Variants in CIT observed in about 807,000 individuals in gnomAD.
CIT encodes citron rho-interacting serine/threonine kinase, also known as citron Rho-interacting kinase.
A neutral mutation model predicts 272.7 loss-of-function variants in CIT; 79 were observed. That is an observed-to-expected ratio of 0.29 (90% CI 0.24 to 0.35). CIT has a LOEUF of 0.35. Ranked by LOEUF, CIT falls within the 10% of genes least tolerant of loss-of-function variation. The pLI is 1.00. For missense variants in CIT, 1,909 were observed against 2,618.3 expected (o/e 0.73, Z 5.91); for synonymous variants, 948 against 995.6 (o/e 0.95, Z 0.90).
intron 28 of CIT, among the ~76,000 whole-genome samples, chr12:119,727,992 C>A (rs912483965): frequency 6.6e-6 from 1 of 151,886 alleles, no homozygotes; most frequent in Admixed American, 6.6e-5. Flanking sequence ...AACCTGGATG[C>A]ATATGACTAA....
chr12:119,703,229 T>C (rs1448472888), intron 41 of CIT, among the ~76,000 whole-genome samples: 1 of 152,168 alleles, frequency 6.6e-6, no homozygotes, highest in African/African-American at 2.4e-5. Flanking sequence ...TCAGTTGTCT[T>C]ACCTGAAAAT....
In CIT at chr12:119,687,593, T is replaced by C. The variant is rs1007791000; in HGVS notation, c.*639A>G. ...GAAAACAGTAAACATTTGGCTACGA[T>C]GTCACCCTGGGGAAAGCAGGGCCAT... On this transcript the variant is annotated 3_prime_UTR_variant, in exon 48 of 48. Transcript: ENST00000392521. 1 of 152,306 alleles carries C rather than the reference T, an allele frequency of 6.6e-6. No individual in the cohort carries two copies. The highest frequency in any genetic ancestry group is 1.5e-5 in the Non-Finnish European group (1 of 68,044). The allele number at this position is 152,306 out of a possible 1,614,324, so 9.4% of individuals were successfully genotyped here.
Position 119,857,862 on chromosome 12 carries a change from G to A in CIT, c.239-164C>T, listed in dbSNP as rs143098430. ...GAATAATTATAAAATCAGTACAAAA[G>A]TGTTTTTATATGTTAAGTTAAAATT... On this transcript the variant is annotated intron_variant, in intron 3 of 47. Transcript: ENST00000392521. Among the ~76,000 whole-genome samples the A allele has an allele frequency of 0.014, 2,195 of 152,138 alleles. 37 individuals carry two copies. The highest frequency in any genetic ancestry group is 0.022 in the Non-Finnish European group (1,508 of 68,012).
chr12:119,717,295 G>A (rs1011374615), intron 32 of CIT, among the ~76,000 whole-genome samples: 7 of 151,502 alleles, frequency 4.6e-5, no homozygotes, highest in South Asian at 2.1e-4. Flanking sequence ...CAGGTGATCC[G>A]CCCACCTCAG....
chr12:119,783,593 CCA>C (rs1258455191), intron 12 of CIT: 2 of 206,856 alleles, frequency 9.7e-6, no homozygotes, highest in Admixed American at 1.1e-4. Context: ...ACAACGCAGA[CCA>C]CAGAGGCTGG....
Position 119,712,012 on chromosome 12 carries a change from T to C in CIT, c.4854+166A>G, listed in dbSNP as rs542878152. Among the ~76,000 whole-genome samples, 2 of 152,200 alleles carry C rather than the reference T, an allele frequency of 1.3e-5. No individual in the cohort carries two copies. Among genetic ancestry groups the C allele is most frequent in the African/African-American group, 4.8e-5 (2 of 41,526 alleles). On this transcript the variant is annotated intron_variant, in intron 37 of 47. Transcript: ENST00000392521. This position sits in a 1 kb window ranked among gnomAD's most constrained non-coding sequence, Gnocchi z 5.2. ...CACAAGCTACCTTGGTGCTTGTGCC[T>C]TCATCACCACCAGACTCCTGGCCAT...
chr12:119,771,361 G>A (rs950036950), intron 17 of CIT, among the ~76,000 whole-genome samples: 14 of 152,134 alleles, frequency 9.2e-5, no homozygotes, highest in African/African-American at 3.4e-4. Flanking sequence ...TCTGGAGGGG[G>A]GTGGTATATG....
chr12:119,784,046 C>A lies in CIT; in HGVS notation c.1407G>T (p.Glu469Asp). ...TCCGATGTAACCGGGTCATTTCCTGCTCCATCTGAAATAAACACATCGACA... is the reference window on the plus strand; with the variant it reads ...TCCGATGTAACCGGGTCATTTCCTGATCCATCTGAAATAAACACATCGACA... ...QDSQDKCHKM[E>D]QEMTRLHRRV... is the part of the protein sequence containing the mutation. Residue 469 changes from glutamate (E) to aspartate (D), a missense_variant, in exon 12 of 48, where the codon GAG becomes GAT. Transcript: ENST00000392521. The surrounding 1 kb of genome is among the most constrained non-coding windows in gnomAD (Gnocchi z 4.7). 6.2e-7 allele frequency: 1 copy of A among 1,611,878 alleles called. No individual in the cohort carries two copies. Among genetic ancestry groups the A allele is most frequent in the South Asian group, 1.1e-5 (1 of 90,604 alleles).
chr12:119,838,029 G>A (rs558974380), intron 5 of CIT, among the ~76,000 whole-genome samples: 3 of 152,228 alleles, frequency 2.0e-5, no homozygotes, highest in East Asian at 1.9e-4. Flanking sequence ...AAAAATCCCC[G>A]ACTCCATAAA....
chr12:119,695,865 TA>T (rs1332667827), intron 46 of CIT, among the ~76,000 whole-genome samples: 1 of 152,232 alleles, frequency 6.6e-6, no homozygotes, highest in Non-Finnish European at 1.5e-5. Context: ...CTAGATTACT[TA>T]TAACACCTAA....
At chr12:119,746,882 T>A (rs954587058) in intron 23 of CIT, among the ~76,000 whole-genome samples, 1 of 152,256 alleles carries the variant, frequency 6.6e-6, no homozygotes, top group Non-Finnish European at 1.5e-5. Flanking sequence ...GTAAGTCATA[T>A]GCTTTATGTT....
chr12:119,863,201 C>CAAA (rs751421292), intron 3 of CIT, among the ~76,000 whole-genome samples: 953 of 40,278 alleles, frequency 0.024, 67 homozygotes, highest in African/African-American at 0.074. Flanking sequence ...GACTCTGTAT[C>CAAA]AAAAAAAAAA....
At chr12:119,721,080 C>T (rs980348180) in intron 29 of CIT, among the ~76,000 whole-genome samples, 16 of 152,196 alleles carry the variant, frequency 1.1e-4, no homozygotes, top group African/African-American at 3.6e-4. Context: ...CATTCTCCTT[C>T]CTCAGTCTCC....
chr12:119,761,072 A>G lies in CIT; in HGVS notation c.2305-17T>C, dbSNP rs368954419. 1.3e-6 allele frequency: 2 copies of G among 1,569,902 alleles called. No individual in the cohort carries two copies. Among genetic ancestry groups the G allele is most frequent in the African/African-American group, 2.7e-5 (2 of 74,044 alleles). ...GTCCAACACCTACAAAAACAAAAGC[A>G]GCAGCAAATGTTCTCAGGAGCCAAG... On this transcript the variant is annotated splice_polypyrimidine_tract_variant and intron_variant, in intron 19 of 47. Transcript: ENST00000392521.
intron 32 of CIT, among the ~76,000 whole-genome samples, chr12:119,717,559 T>C (rs1957573094): frequency 6.6e-6 from 1 of 151,380 alleles, no homozygotes; most frequent in East Asian, 2.0e-4. Flanking sequence ...TAGCTGGGAC[T>C]TCAGGAGAAT....
intron 5 of CIT, among the ~76,000 whole-genome samples, chr12:119,836,284 TAAAAA>T (rs201559880): frequency 1.2e-3 from 52 of 42,248 alleles, no homozygotes; most frequent in African/African-American, 5.0e-3. Context: ...AGACTCCATC[TAAAAA>T]AAAAAAAAAA....
intron 28 of CIT, among the ~76,000 whole-genome samples, chr12:119,726,912 T>C (rs1201187111): frequency 1.3e-5 from 2 of 152,194 alleles, no homozygotes; most frequent in Non-Finnish European, 2.9e-5. Flanking sequence ...AGCTTGTCTA[T>C]TATGCTTCAA....
rs760747945 is a variant in CIT at position 119,735,393 on chromosome 12, AC to A, written c.2959-37del. 5.6e-6 allele frequency: 9 copies of A among 1,598,842 alleles called. No homozygotes were observed. In the South Asian group the frequency reaches 6.6e-5, roughly 12 times the overall value. On this transcript the variant is annotated intron_variant, in intron 24 of 47. Coordinates refer to ENST00000392521, the MANE Select transcript of CIT (RefSeq NM_001206999.2). The stretch of plus-strand genomic sequence containing the variant: ...AAAGGAATCCAGTTACACGCCAAGC[AC>A]ATTCATTTCAAATAAGAAATTGCTT...
chr12:119,761,090 G>A (rs1216964928), intron 19 of CIT, 35 bp from the exon 20 acceptor site: 1 of 1,431,808 alleles, frequency 7.0e-7, no homozygotes. Flanking sequence ...ATGTTCTCAG[G>A]AGCCAAGCTG....
Sources: allele counts gnomAD v4.1 joint callset (sites outside exome capture counted in the v4.1 genomes callset), GRCh38; gene constraint gnomAD v4.1.1; non-coding constraint Gnocchi (gnomAD v3.1); transcripts MANE v1.5; gene names NCBI Gene and HGNC (gene_info 2026-07-23, HGNC 2026-07-21).